SBDS: variants seen among roughly 807,000 people sequenced by gnomAD.
SBDS encodes the protein ribosome maturation protein SBDS.
Under a neutral mutation model 26.4 loss-of-function variants are expected in SBDS, and 20 were observed. The observed-to-expected ratio is 0.76, with a 90% CI of 0.53 to 1.10. SBDS has a LOEUF of 1.10. Ranked by LOEUF, SBDS falls within the 50% of genes least tolerant of loss-of-function variation. The pLI, the probability that SBDS is intolerant of heterozygous loss-of-function variation, is 0.00. For synonymous variants in SBDS, 95 were observed against 105.1 expected (o/e 0.90, Z 0.59); for missense variants, 241 against 302.0 (o/e 0.80, Z 1.50).
Position 66,994,336 on chromosome 7 carries a change from T to C in SBDS, c.134A>G (p.Lys45Arg). The change falls in exon 2 of 5, where the codon AAA becomes AGA. Residue 45 changes from lysine to arginine, a missense_variant. Transcript: ENST00000246868. ...KVVGWRSGVE[K>R]DLDEVLQTHS... Reference sequence around the variant, plus strand: ...GGTCTGCAGAACTTCATCGAGGTCTTTTTCCCTTGTGAGGGCAGGAGAGAA... The same window carrying C: ...GGTCTGCAGAACTTCATCGAGGTCTCTTTCCCTTGTGAGGGCAGGAGAGAA... 1.2e-6 allele frequency: 2 copies of C among 1,613,946 alleles called. No individual in the cohort carries two copies. The highest frequency in any genetic ancestry group is 1.7e-6 in the Non-Finnish European group (2 of 1,179,870).
intron 2 of SBDS, among the ~76,000 whole-genome samples, 164 bp from the exon 3 acceptor site, chr7:66,993,581 A>G (rs1376841793): frequency 6.6e-6 from 1 of 152,148 alleles, no homozygotes; most frequent in East Asian, 1.9e-4. Flanking sequence ...CAAAAGATGC[A>G]AGAATCTTTT....
At position 66,987,923 on chromosome 7, in the gene SBDS, A is replaced by G; in HGVS notation, c.*448T>C. 1 of 228,200 alleles carries G rather than the reference A, an allele frequency of 4.4e-6. No homozygotes were observed. Among genetic ancestry groups the G allele is most frequent in the South Asian group, 1.3e-4 (1 of 7,684 alleles). 14.1% of individuals were successfully genotyped at this position (228,200 alleles called of 1,614,324 possible). A position where few individuals can be genotyped will look rare whatever the true frequency, so the allele number is the denominator to read the frequency against. On this transcript the variant is annotated 3_prime_UTR_variant, in exon 5 of 5. Coordinates refer to ENST00000246868, the MANE Select transcript of SBDS (RefSeq NM_016038.4). Reference sequence around the variant, plus strand: ...CCAAGCTTTACATTACGATACCATAATGACCCTCAGAACACAAGTTCCATT... The same window carrying G: ...CCAAGCTTTACATTACGATACCATAGTGACCCTCAGAACACAAGTTCCATT...
intron 1 of SBDS, among the ~76,000 whole-genome samples, chr7:66,994,598 G>A (rs1359006570): frequency 6.6e-6 from 1 of 151,870 alleles, no homozygotes; most frequent in Non-Finnish European, 1.5e-5. Flanking sequence ...GGGTTCAAGT[G>A]ATTCTCCCGC....
chr7:66,991,442 A>G, intron 3 of SBDS, 141 bp from the exon 4 acceptor site: 1 of 710,802 alleles, frequency 1.4e-6, no homozygotes, highest in African/African-American at 1.8e-5. Context: ...CCGTTAAAAA[A>G]AAAATAGAAA....
In SBDS at chr7:66,995,311, A is replaced by G. The variant is rs548436732; in HGVS notation, c.107T>C (p.Val36Ala). The part of the protein sequence containing the change: ...RFEIACYKNK[V>A]VGWRSGVEKD... Reference sequence around the variant, plus strand: ...TCACACGCCGCTCCGCCAGCCGACGACCTTGTTTTTGTAGCAGGCGATTTC... The same window carrying G: ...TCACACGCCGCTCCGCCAGCCGACGGCCTTGTTTTTGTAGCAGGCGATTTC... The change falls in exon 1 of 5, where the codon GTC (valine) becomes GCC (alanine). Residue 36 changes from valine to alanine, a missense_variant. Physicochemically the swap from Val to Ala is moderately conservative, Grantham distance 64. Transcript: ENST00000246868. The G allele has an allele frequency of 1.6e-4, 258 of 1,613,932 alleles. No homozygotes were observed. Among genetic ancestry groups the G allele is most frequent in the Admixed American group, 3.7e-4 (22 of 60,030 alleles).
intron 3 of SBDS, among the ~76,000 whole-genome samples, chr7:66,992,758 A>G (rs1186877334): frequency 6.6e-6 from 1 of 152,100 alleles, no homozygotes; most frequent in East Asian, 1.9e-4. Context: ...CTGTAATCCC[A>G]GCACTTTGGG....
At position 66,995,327 on chromosome 7, in the gene SBDS, A is replaced by C; in HGVS notation, c.91T>G (p.Cys31Gly). 1 of 1,614,106 alleles carries C rather than the reference A, an allele frequency of 6.2e-7. No individual in the cohort carries two copies. The highest frequency in any genetic ancestry group is 1.1e-5 in the South Asian group (1 of 91,086). The stretch of plus-strand genomic sequence containing the variant: ...CAGCCGACGACCTTGTTTTTGTAGC[A>C]GGCGATTTCGAAGCGCTTCCCGGCA... ...KRAGKRFEIA[C>G]YKNKVVGWRS... is the part of the protein sequence containing the mutation. Residue 31 changes from cysteine (C) to glycine (G), a missense_variant, in exon 1 of 5, where the codon TGC (cysteine) becomes GGC (glycine). Transcript: ENST00000246868.
Position 66,988,394 on chromosome 7 carries a change from C to CTTCTACATCTT in SBDS, c.719_729dup (p.Glu244LysfsTer3). 6.2e-7 allele frequency: 1 copy of CTTCTACATCTT among 1,613,600 alleles called. No individual in the cohort carries two copies. The highest frequency in any genetic ancestry group is 2.2e-5 in the East Asian group (1 of 44,900). ...TGTCATTCAAATTTCTCATCTCCTT[C>CTTCTACATCTT]TTCTACATCTTTCAGATTGAGTACT... On this transcript the variant is annotated stop_gained and frameshift_variant, in exon 5 of 5. Transcript: ENST00000246868. LOFTEE classifies it high-confidence loss of function.
At position 66,993,252 on chromosome 7, in the gene SBDS, A is replaced by C. The variant is rs769674681; in HGVS notation, c.424T>G (p.Tyr142Asp). Residue 142 changes from tyrosine (Y) to aspartate (D), a missense_variant, in exon 3 of 5, where the codon TAT (tyrosine) becomes GAT (aspartate). By Grantham distance (160) the Tyr-to-Asp change is radical. Transcript: ENST00000246868. ...GTACTCTTGTTGGTTTTCACCGAATAGTGGATGTCCTTCATGGCTCTCTCA... is the reference window on the plus strand; with the variant it reads ...GTACTCTTGTTGGTTTTCACCGAATCGTGGATGTCCTTCATGGCTCTCTCA... ...LIERAMKDIH[Y>D]SVKTNKSTKQ... 1.9e-6 allele frequency: 3 copies of C among 1,614,042 alleles called. No individual in the cohort carries two copies.
At position 66,991,173 on chromosome 7, in the gene SBDS, G is replaced by T; in HGVS notation, c.588C>A (p.Val196=). The change falls in exon 4 of 5, where the codon GTC becomes GTA. Residue 196 remains valine (V), a synonymous_variant. Coordinates refer to ENST00000246868, the MANE Select transcript of SBDS (RefSeq NM_016038.4). ...GTTGGCCATAATCTTCACTTTCTATGACCTTGATCAGTGGCTTGAGCTTTT... is the reference window on the plus strand; with the variant it reads ...GTTGGCCATAATCTTCACTTTCTATTACCTTGATCAGTGGCTTGAGCTTTT... ...LKEKLKPLIK[V]IESEDYGQQL... 6.2e-7 allele frequency: 1 copy of T among 1,613,928 alleles called. No homozygotes were observed. Among genetic ancestry groups the T allele is most frequent in the Non-Finnish European group, 8.5e-7 (1 of 1,179,976 alleles).
intron 2 of SBDS, 78 bp downstream of exon 2, chr7:66,994,134 C>T: frequency 2.1e-6 from 3 of 1,404,778 alleles, no homozygotes; most frequent in South Asian, 1.1e-5. Context: ...TCCAGAAAAA[C>T]AGCCTTTAAT....
intron 2 of SBDS, among the ~76,000 whole-genome samples, chr7:66,993,881 C>T (rs755318699): frequency 6.6e-5 from 10 of 150,386 alleles, no homozygotes; most frequent in Non-Finnish European, 1.2e-4. Context: ...TCTGTCCCCC[C>T]ACCCAAAAAA....
Position 66,988,387 on chromosome 7 carries a change from T to C in SBDS, c.737A>G (p.Asp246Gly), listed in dbSNP as rs779019501. 6.2e-7 allele frequency: 1 copy of C among 1,613,584 alleles called. No homozygotes were observed. Among genetic ancestry groups the C allele is most frequent in the Non-Finnish European group, 8.5e-7 (1 of 1,179,996 alleles). ...TGATGGGTGTCATTCAAATTTCTCATCTCCTTCTTCTACATCTTTCAGATT... is the reference window on the plus strand; with the variant it reads ...TGATGGGTGTCATTCAAATTTCTCACCTCCTTCTTCTACATCTTTCAGATT... Reference protein sequence around the residue: ...VLNLKDVEEGDEKFE With the variant: ...VLNLKDVEEGGEKFE The change falls in exon 5 of 5, where the codon GAT becomes GGT. Residue 246 changes from aspartate (D) to glycine (G), a missense_variant. Coordinates refer to ENST00000246868, the MANE Select transcript of SBDS (RefSeq NM_016038.4).
At position 66,988,007 on chromosome 7, in the gene SBDS, A is replaced by G; in HGVS notation, c.*364T>C. 1 of 326,532 alleles carries G rather than the reference A, an allele frequency of 3.1e-6. No individual in the cohort carries two copies. Among genetic ancestry groups the G allele is most frequent in the Non-Finnish European group, 5.8e-6 (1 of 173,282 alleles). The allele number at this position is 326,532 out of a possible 1,614,324, so 20.2% of individuals were successfully genotyped here. A position where few individuals can be genotyped will look rare whatever the true frequency, so the allele number is the denominator to read the frequency against. Reference sequence around the variant, plus strand: ...TAGGAAAGACCCCCCCTTTTGTTGTATAGACATACCCCTAATAATCTTACT... The same window carrying G: ...TAGGAAAGACCCCCCCTTTTGTTGTGTAGACATACCCCTAATAATCTTACT... On this transcript the variant is annotated 3_prime_UTR_variant, in exon 5 of 5. Transcript: ENST00000246868.
intron 3 of SBDS, among the ~76,000 whole-genome samples, chr7:66,992,211 T>C (rs1275765393): frequency 6.6e-6 from 1 of 152,098 alleles, no homozygotes; most frequent in East Asian, 1.9e-4. Context: ...GGTTACAACA[T>C]GTATGAACCA....
In SBDS at chr7:66,991,130, C is replaced by T. The variant is rs1366489080; in HGVS notation, c.624+7G>A. Reference sequence around the variant, plus strand: ...AACATGAAGCAAAGAAAATATTTGACTCTTACGATTTCTAACTGTTGGCCA... The same window carrying T: ...AACATGAAGCAAAGAAAATATTTGATTCTTACGATTTCTAACTGTTGGCCA... On this transcript the variant is annotated splice_region_variant and intron_variant, in intron 4 of 4. Coordinates refer to ENST00000246868, the MANE Select transcript of SBDS (RefSeq NM_016038.4). 10 of 1,609,510 alleles carry T rather than the reference C, an allele frequency of 6.2e-6. No individual in the cohort carries two copies. Among genetic ancestry groups the T allele is most frequent in the Non-Finnish European group, 8.5e-6 (10 of 1,177,760 alleles).
intron 2 of SBDS, 29 bp downstream of exon 2, chr7:66,994,183 G>C: frequency 6.2e-7 from 1 of 1,612,142 alleles, no homozygotes; most frequent in Non-Finnish European, 8.5e-7. Flanking sequence ...ATGGTTATTA[G>C]GGTTAGCTAT....
chr7:66,994,350 G>T lies in SBDS; in HGVS notation c.129-9C>A. ...CATCGAGGTCTTTTTCCCTTGTGAG[G>T]GCAGGAGAGAAAGTCCTATGTGAAT... On this transcript the variant is annotated splice_polypyrimidine_tract_variant and intron_variant, in intron 1 of 4. Transcript: ENST00000246868. 6.2e-7 allele frequency: 1 copy of T among 1,612,996 alleles called. No individual in the cohort carries two copies. The highest frequency in any genetic ancestry group is 8.5e-7 in the Non-Finnish European group (1 of 1,179,192).
intron 4 of SBDS, among the ~76,000 whole-genome samples, chr7:66,989,538 C>A (rs1792933301): frequency 6.6e-6 from 1 of 151,380 alleles, no homozygotes; most frequent in Non-Finnish European, 1.5e-5. Flanking sequence ...AGAGTGAAAC[C>A]CTGTCTCAAA....
Sources: allele counts gnomAD v4.1 joint callset (sites outside exome capture counted in the v4.1 genomes callset), GRCh38; gene constraint gnomAD v4.1.1; transcripts MANE v1.5; gene names NCBI Gene and HGNC (gene_info 2026-07-23, HGNC 2026-07-21).